The following RIN2 variants were observed in gnomAD, a reference collection of about 807,000 sequenced individuals.
RIN2 encodes RAB5 interacting protein 2.
In RIN2, 36 loss-of-function variants were observed where a neutral mutation model predicts 78.0. The ratio of observed to expected loss-of-function variants is 0.46; its 90% CI spans 0.35 to 0.61. RIN2 has a LOEUF of 0.61. RIN2 is among the 20% of genes least tolerant of loss of function. The probability of loss-of-function intolerance (pLI) is 0.00; values close to 1 mark genes in which losing one functional copy is unlikely to be tolerated. For missense variants in RIN2, 1,087 were observed against 1,159.7 expected (o/e 0.94, Z 0.91); for synonymous variants, 466 against 466.8 (o/e 1.00, Z 0.02).
intron 8 of RIN2, among the ~76,000 whole-genome samples, chr20:19,971,644 A>G (rs978769800): frequency 3.9e-5 from 6 of 152,094 alleles, no homozygotes; most frequent in African/African-American, 1.4e-4. Flanking sequence ...CTCTTAATTT[A>G]AAGAACTTGT....
At chr20:19,811,109 G>A (rs962455196) in intron 2 of RIN2, among the ~76,000 whole-genome samples, 1 of 151,878 alleles carries the variant, frequency 6.6e-6, no homozygotes, top group Non-Finnish European at 1.5e-5. Context: ...AGTAACTGTC[G>A]CTTCTTGGTG....
intron 2 of RIN2, among the ~76,000 whole-genome samples, chr20:19,851,546 G>A (rs376565812): frequency 4.6e-5 from 7 of 152,072 alleles, no homozygotes; most frequent in African/African-American, 1.4e-4. Context: ...GCAACATAAC[G>A]AGACTTCATC....
intron 6 of RIN2, among the ~76,000 whole-genome samples, chr20:19,962,383 C>T (rs1428455806): frequency 1.3e-5 from 2 of 151,958 alleles, no homozygotes; most frequent in Admixed American, 1.3e-4. Context: ...CCCTAATGTC[C>T]AAAGTGGAGC....
intron 6 of RIN2, among the ~76,000 whole-genome samples, chr20:19,963,610 CAAAAA>C (rs11358752): frequency 8.6e-6 from 1 of 116,888 alleles, no homozygotes; most frequent in Non-Finnish European, 1.9e-5. Context: ...ACTCTGTCTC[CAAAAA>C]AAAAAAAAAA....
At chr20:19,784,776 G>C (rs549987942) in intron 1 of RIN2, among the ~76,000 whole-genome samples, 31 of 152,112 alleles carry the variant, frequency 2.0e-4, no homozygotes, top group Non-Finnish European at 3.8e-4. Context: ...TGCATAGCCC[G>C]GGGTGATGCA....
At chr20:19,781,667 A>G (rs1027999864) in intron 1 of RIN2, among the ~76,000 whole-genome samples, 2 of 152,156 alleles carry the variant, frequency 1.3e-5, no homozygotes, top group Non-Finnish European at 2.9e-5. Flanking sequence ...ACCTCAAGTG[A>G]TCCACCTGCC....
chr20:19,837,993 AAAG>A (rs1429987351), intron 2 of RIN2, among the ~76,000 whole-genome samples: 11 of 152,218 alleles, frequency 7.2e-5, no homozygotes, highest in Non-Finnish European at 5.9e-5. Flanking sequence ...CAAGAAAAAG[AAAG>A]TAATTTATTC....
chr20:19,979,723 T>C (rs2042385769), intron 9 of RIN2, among the ~76,000 whole-genome samples: 2 of 151,932 alleles, frequency 1.3e-5, no homozygotes, highest in South Asian at 2.1e-4. Flanking sequence ...AGCCCCTGAG[T>C]TATCTGGGTT....
Position 19,786,067 on chromosome 20 carries a change from G to C in RIN2, c.-162-13555G>C, listed in dbSNP as rs141618161. Among the ~76,000 whole-genome samples, 8 of 152,240 alleles carry C rather than the reference G, an allele frequency of 5.3e-5. No individual in the cohort carries two copies. The East Asian group carries it at 1.6e-3, about 30-fold the overall frequency. On this transcript the variant is annotated intron_variant, in intron 1 of 12. Coordinates refer to ENST00000255006, the MANE Select transcript of RIN2 (RefSeq NM_018993.4). Reference sequence around the variant, plus strand: ...TCCAGTGCATTGCTAACTTCAGTCTGTGGGACAGATTGTATTTTTCTAAAC... The same window carrying C: ...TCCAGTGCATTGCTAACTTCAGTCTCTGGGACAGATTGTATTTTTCTAAAC...
At chr20:19,874,433 C>T (rs183719464) in intron 2 of RIN2, among the ~76,000 whole-genome samples, 4 of 152,234 alleles carry the variant, frequency 2.6e-5, no homozygotes, top group African/African-American at 9.6e-5. Flanking sequence ...GAACTTAATA[C>T]CATGAAGTAC....
In RIN2 at chr20:19,762,452, G is replaced by A. The variant is rs2033678470; in HGVS notation, c.-163+4125G>A. 3.9e-5 allele frequency among the ~76,000 whole-genome samples: 6 copies of A among 152,292 alleles called. No individual in the cohort carries two copies. In the South Asian group the frequency reaches 1.2e-3, roughly 32 times the overall value. ...CAGACATTTCTAGGTCTCCAATGCT[G>A]AGCAAATATATCTCAAGATTTGTTT... On this transcript the variant is annotated intron_variant, in intron 1 of 12. Coordinates refer to ENST00000255006, the MANE Select transcript of RIN2 (RefSeq NM_018993.4).
At position 19,852,912 on chromosome 20, in the gene RIN2, C is replaced by T. The variant is rs147476260; in HGVS notation, c.-36-36654C>T. ...TTTTTTAATTATTATACTTTAAGTT[C>T]TAGGGTACATGTGCACAACGTGCAG... On this transcript the variant is annotated intron_variant, in intron 2 of 12. Transcript: ENST00000255006. Among the ~76,000 whole-genome samples the T allele has an allele frequency of 7.8e-3, 1,176 of 151,344 alleles. 15 individuals carry two copies. Among genetic ancestry groups the T allele is most frequent in the African/African-American group, 0.027 (1,123 of 41,174 alleles).
chr20:19,931,736 A>T (rs1020005002), intron 3 of RIN2, among the ~76,000 whole-genome samples: 1 of 142,454 alleles, frequency 7.0e-6, no homozygotes, highest in African/African-American at 2.8e-5. Flanking sequence ...CTGCTTTCAA[A>T]AAAAGCCTTT....
chr20:19,920,295 CA>C (rs34086663), intron 3 of RIN2, among the ~76,000 whole-genome samples: 1,654 of 95,270 alleles, frequency 0.017, 14 homozygotes, highest in Middle Eastern at 0.049. Context: ...GACTCTGTCT[CA>C]AAAAAAAAAA....
intron 7 of RIN2, among the ~76,000 whole-genome samples, chr20:19,967,480 G>A (rs1462794465): frequency 2.0e-5 from 3 of 152,224 alleles, no homozygotes; most frequent in South Asian, 4.1e-4. Context: ...GAAAGTGATT[G>A]GATTATTGGT....
intron 3 of RIN2, among the ~76,000 whole-genome samples, chr20:19,924,263 C>T (rs1401356844): frequency 3.2e-5 from 1 of 31,074 alleles, no homozygotes; most frequent in African/African-American, 2.2e-4. Flanking sequence ...TTTTGTACCC[C>T]CACCTTCATA....
Position 19,975,285 on chromosome 20 carries a change from C to G in RIN2, c.1260C>G (p.Pro420=). 6.2e-7 allele frequency: 1 copy of G among 1,600,122 alleles called. No homozygotes were observed. The change falls in exon 9 of 13, where the codon CCC becomes CCG. Residue 420 remains proline, a synonymous_variant. Coordinates refer to ENST00000255006, the MANE Select transcript of RIN2 (RefSeq NM_018993.4). This position sits in a 1 kb window ranked among gnomAD's most constrained non-coding sequence, Gnocchi z 4.9. ...RAPPPSSESR[P]PCHGGRQRLS... ...CGCCGCCCAGCTCTGAATCACGGCC[C>G]CCGTGCCATGGAGGCCGGCAGCGGC...
chr20:19,761,997 C>T (rs2033660972), intron 1 of RIN2, among the ~76,000 whole-genome samples: 1 of 152,208 alleles, frequency 6.6e-6, no homozygotes, highest in East Asian at 1.9e-4. Flanking sequence ...GAAAGTACAC[C>T]TGCTCAGTGA....
intron 2 of RIN2, among the ~76,000 whole-genome samples, chr20:19,886,130 A>G (rs2038179771): frequency 6.6e-6 from 1 of 152,122 alleles, no homozygotes; most frequent in African/African-American, 2.4e-5. Context: ...AATGCCAGTG[A>G]CTCAACCCAG....
Sources: allele counts gnomAD v4.1 joint callset (sites outside exome capture counted in the v4.1 genomes callset), GRCh38; gene constraint gnomAD v4.1.1; non-coding constraint Gnocchi (gnomAD v3.1); transcripts MANE v1.5; gene names NCBI Gene and HGNC (gene_info 2026-07-23, HGNC 2026-07-21).